The following TRPS1 variants were observed in gnomAD, a reference collection of about 807,000 sequenced individuals.
The protein encoded by TRPS1 is zinc finger transcription factor Trps1.
Under a neutral mutation model 101.2 loss-of-function variants are expected in TRPS1, and 6 were observed. The ratio of observed to expected loss-of-function variants is 0.06; its 90% CI spans 0.03 to 0.12. The LOEUF (loss-of-function observed/expected upper bound fraction) is 0.12. Ranked by LOEUF, TRPS1 falls within the 10% of genes least tolerant of loss-of-function variation. TRPS1 has a pLI of 1.00. For missense variants in TRPS1, 1,363 were observed against 1,567.0 expected, an observed-to-expected ratio of 0.87 and a Z score of 2.20; for synonymous variants, 578 against 589.8, an observed-to-expected ratio of 0.98 and a Z score of 0.29.
At position 115,668,676 on chromosome 8, in the gene TRPS1, T is replaced by C. The variant is rs1370987380; in HGVS notation, c.-253A>G. The C allele has an allele frequency of 6.6e-6, 1 of 151,546 alleles. No homozygotes were observed. The highest frequency in any genetic ancestry group is 6.6e-5 in the Admixed American group (1 of 15,124). The allele number at this position is 151,546 out of a possible 1,614,324, so 9.4% of individuals were successfully genotyped here. On this transcript the variant is annotated 5_prime_UTR_variant, in exon 1 of 7. Coordinates refer to ENST00000395715, the MANE Select transcript of TRPS1 (RefSeq NM_014112.5). ...TGCGGGGGGGAGAGAAAAAGGTCTTTCCTGCCTCCCCCCCCTTTCCCTCCC... is the reference window on the plus strand; with the variant it reads ...TGCGGGGGGGAGAGAAAAAGGTCTTCCCTGCCTCCCCCCCCTTTCCCTCCC...
chr8:115,527,412 A>G (rs1816025260), intron 5 of TRPS1, among the ~76,000 whole-genome samples: 1 of 152,124 alleles, frequency 6.6e-6, no homozygotes, highest in Admixed American at 6.6e-5. Flanking sequence ...TTGAAGTCAG[A>G]AAAATGAATA....
intron 5 of TRPS1, among the ~76,000 whole-genome samples, chr8:115,508,357 G>A (rs189686933): frequency 4.9e-4 from 75 of 152,076 alleles, no homozygotes; most frequent in East Asian, 7.7e-4. Flanking sequence ...CAAGAATTTC[G>A]CCATTCTTTT....
chr8:115,597,984 A>C (rs373439326), intron 4 of TRPS1, among the ~76,000 whole-genome samples: 1 of 152,176 alleles, frequency 6.6e-6, no homozygotes, highest in East Asian at 1.9e-4. Flanking sequence ...ACATCATCTG[A>C]TATCTTTTCA....
intron 5 of TRPS1, among the ~76,000 whole-genome samples, chr8:115,539,576 A>C (rs983387664): frequency 6.6e-6 from 1 of 152,212 alleles, no homozygotes; most frequent in African/African-American, 2.4e-5. Flanking sequence ...ATGGTGGCTC[A>C]TGCCTGTAAT....
chr8:115,541,915 TAAGAG>T (rs1242473452), intron 5 of TRPS1, among the ~76,000 whole-genome samples: 1 of 152,118 alleles, frequency 6.6e-6, no homozygotes, highest in East Asian at 1.9e-4. Context: ...ATTACACCAA[TAAGAG>T]AAGTCAGAGG....
chr8:115,597,325 T>C (rs948334434), intron 4 of TRPS1, among the ~76,000 whole-genome samples: 1 of 151,998 alleles, frequency 6.6e-6, no homozygotes, highest in African/African-American at 2.4e-5. Context: ...TAAAGGGATA[T>C]AAAGGGATCT....
intron 3 of TRPS1, among the ~76,000 whole-genome samples, chr8:115,610,143 T>C (rs1563642210): frequency 6.6e-6 from 1 of 152,216 alleles, no homozygotes; most frequent in Non-Finnish European, 1.5e-5. Context: ...TCAAGTACTA[T>C]AATTGATAGC....
intron 5 of TRPS1, among the ~76,000 whole-genome samples, chr8:115,496,430 A>T (rs1484308885): frequency 6.6e-6 from 1 of 152,200 alleles, no homozygotes; most frequent in Non-Finnish European, 1.5e-5. Flanking sequence ...TTTCCTTTGC[A>T]AACAGGTAAC....
At position 115,619,379 on chromosome 8, in the gene TRPS1, C is replaced by T; in HGVS notation, c.719G>A (p.Cys240Tyr). The T allele has an allele frequency of 1.2e-6, 2 of 1,614,220 alleles. No homozygotes were observed. Among genetic ancestry groups the T allele is most frequent in the South Asian group, 1.1e-5 (1 of 91,084 alleles). Residue 240 changes from cysteine (C) to tyrosine (Y), a missense_variant, in exon 3 of 7, where the codon TGT becomes TAT. Cys to Tyr is a radical substitution (Grantham distance 194, BLOSUM62 -2). Coordinates refer to ENST00000395715, the MANE Select transcript of TRPS1 (RefSeq NM_014112.5). ...GTCGTTGCCGTAGTAACCATATCCA[C>T]AGATATTGCATTTAAAGTCCTGAAG... is the stretch of plus-strand genomic sequence containing the variant. ...PELQDFKCNI[C>Y]GYGYYGNDPT...
intron 5 of TRPS1, among the ~76,000 whole-genome samples, chr8:115,441,131 A>T (rs1050718408): frequency 6.6e-6 from 1 of 152,222 alleles, no homozygotes; most frequent in African/African-American, 2.4e-5. Context: ...CTAACTTCAC[A>T]TAGCTTTCAA....
rs145758792 is a variant in TRPS1 at position 115,495,463 on chromosome 8, A to AAT, written c.2701-77013_2701-77012dup. 1.2e-3 allele frequency among the ~76,000 whole-genome samples: 177 copies of AAT among 148,248 alleles called. 1 individual carries two copies. Among genetic ancestry groups the AAT allele is most frequent in the African/African-American group, 2.6e-3 (107 of 40,812 alleles). On this transcript the variant is annotated intron_variant, in intron 5 of 6. Transcript: ENST00000395715. ...AAATTATGGCAGAAAGGAGGAAAAA[A>AAT]ATATATATATATATATTTAAATTAT...
intron 5 of TRPS1, among the ~76,000 whole-genome samples, chr8:115,584,660 T>C (rs1191938806): frequency 6.6e-6 from 1 of 151,202 alleles, no homozygotes; most frequent in African/African-American, 2.4e-5. Context: ...GGTAGGGTAA[T>C]GAATTAGAGG....
intron 5 of TRPS1, among the ~76,000 whole-genome samples, chr8:115,506,647 T>A (rs1367247740): frequency 6.6e-6 from 1 of 152,100 alleles, no homozygotes; most frequent in African/African-American, 2.4e-5. Context: ...AGTAAATGAG[T>A]CTGTATCTTT....
At chr8:115,658,902 T>C (rs983790434) in intron 1 of TRPS1, among the ~76,000 whole-genome samples, 1 of 152,096 alleles carries the variant, frequency 6.6e-6, no homozygotes, top group Non-Finnish European at 1.5e-5. Context: ...CATTATTATT[T>C]TTACCAATGA....
chr8:115,652,554 C>T (rs1811583848), intron 1 of TRPS1, among the ~76,000 whole-genome samples: 1 of 152,100 alleles, frequency 6.6e-6, no homozygotes, highest in African/African-American at 2.4e-5. Context: ...TTTGTTTTAC[C>T]TTGTCTTGTT....
At chr8:115,419,136 T>A (rs1228214185) in intron 5 of TRPS1, among the ~76,000 whole-genome samples, 4 of 152,210 alleles carry the variant, frequency 2.6e-5, no homozygotes, top group African/African-American at 7.2e-5. Context: ...TTATTTATTT[T>A]ATTTGACTTA....
chr8:115,586,080 TC>T (rs1817554778), intron 5 of TRPS1, among the ~76,000 whole-genome samples: 1 of 152,210 alleles, frequency 6.6e-6, no homozygotes, highest in African/African-American at 2.4e-5. Context: ...GAACTCTATT[TC>T]CCAACTGGAT....
intron 5 of TRPS1, among the ~76,000 whole-genome samples, chr8:115,534,199 T>A (rs1412606803): frequency 6.6e-6 from 1 of 150,750 alleles, no homozygotes; most frequent in South Asian, 2.1e-4. Flanking sequence ...ACACTGGAGA[T>A]TGAAGCTCTA....
chr8:115,546,330 A>C (rs1236379888), intron 5 of TRPS1, among the ~76,000 whole-genome samples: 2 of 152,060 alleles, frequency 1.3e-5, no homozygotes, highest in Non-Finnish European at 2.9e-5. Context: ...ATAAACAAAA[A>C]ATATAAAAAC....
Sources: gnomAD v4.1 joint callset for allele counts (sites outside exome capture counted in the v4.1 genomes callset) on GRCh38, gnomAD v4.1.1 for gene constraint, MANE v1.5 for transcripts, NCBI Gene and HGNC (gene_info 2026-07-23, HGNC 2026-07-21) for gene names.